XCR1: variants seen among roughly 807,000 people sequenced by gnomAD.
XCR1 encodes chemokine XC receptor 1.
For missense variants in XCR1, 356 were observed against 424.2 expected (o/e 0.84, Z 1.41); for synonymous variants, 187 against 188.5 (o/e 0.99, Z 0.06).
chr3:46,024,374 C>G (rs553585979), intron 1 of XCR1, among the ~76,000 whole-genome samples: 2 of 152,252 alleles, frequency 1.3e-5, no homozygotes, highest in South Asian at 2.1e-4. Context: ...CTGACTTGAG[C>G]TAATGATTCC....
At chr3:46,029,856 G>A, upstream of XCR1, among the ~76,000 whole-genome samples, 1 of 151,992 alleles carries the variant, frequency 6.6e-6, no homozygotes, top group Non-Finnish European at 1.5e-5. Context: ...ACATTGTTTT[G>A]TGGTTTTCAG....
At chr3:46,034,917 T>C (rs1289006176) in intron 5 of XCR1, among the ~76,000 whole-genome samples, 8 of 152,206 alleles carry the variant, frequency 5.3e-5, no homozygotes, top group African/African-American at 1.7e-4. Context: ...TGCCAGACCC[T>C]TCATTCATCA....
intron 5 of XCR1, among the ~76,000 whole-genome samples, chr3:46,052,895 A>G (rs1222966459): frequency 1.2e-4 from 18 of 151,714 alleles, no homozygotes. Context: ...TTATACTGGG[A>G]CTCCCTCTTA....
chr3:46,026,790 G>A (rs1233123811), intron 1 of XCR1, among the ~76,000 whole-genome samples: 1 of 151,864 alleles, frequency 6.6e-6, no homozygotes, highest in Non-Finnish European at 1.5e-5. Context: ...CACCATGTTA[G>A]CCAGGATGGT....
chr3:46,054,972 G>C (rs1697827708), intron 4 of XCR1, among the ~76,000 whole-genome samples: 1 of 152,186 alleles, frequency 6.6e-6, no homozygotes, highest in East Asian at 1.9e-4. Flanking sequence ...TCGATCACTG[G>C]TGGAATCCTT....
chr3:46,079,535 C>T (rs879897870), intron 1 of XCR1, among the ~76,000 whole-genome samples: 27 of 152,126 alleles, frequency 1.8e-4, no homozygotes, highest in Admixed American at 2.6e-4. Flanking sequence ...TACCCCTGCA[C>T]CTTTATATCC....
chr3:46,042,228 T>A (rs974440326), intron 5 of XCR1, among the ~76,000 whole-genome samples: 4 of 151,836 alleles, frequency 2.6e-5, no homozygotes, highest in African/African-American at 9.7e-5. Context: ...AGAAGAAATA[T>A]CTCAAATCAA....
intron 3 of XCR1, among the ~76,000 whole-genome samples, chr3:46,070,915 C>T (rs564731509): frequency 6.6e-6 from 1 of 152,040 alleles, no homozygotes; most frequent in East Asian, 1.9e-4. Flanking sequence ...ATTCCTTCCT[C>T]TTCCTCCTTT....
intron 5 of XCR1, among the ~76,000 whole-genome samples, chr3:46,040,544 G>T (rs1697522447): frequency 6.6e-6 from 1 of 152,110 alleles, no homozygotes; most frequent in Non-Finnish European, 1.5e-5. Flanking sequence ...GCTAATGTGT[G>T]TTCCAGGATT....
At position 46,037,463 on chromosome 3, in the gene XCR1, A is replaced by T. The variant is rs560415160; in HGVS notation, c.-31-15485T>A. ...AAATATTGTATGAGAAAGATCTTGTATGGTGAATTTTTGTCCTAAAATAAA... is the reference window on the plus strand; with the variant it reads ...AAATATTGTATGAGAAAGATCTTGTTTGGTGAATTTTTGTCCTAAAATAAA... On this transcript the variant is annotated intron_variant, in intron 5 of 5. Coordinates refer to the XCR1 transcript ENST00000683768. 1.3e-4 allele frequency among the ~76,000 whole-genome samples: 20 copies of T among 152,272 alleles called. No homozygotes were observed. The South Asian group carries it at 3.5e-3, about 27-fold the overall frequency.
intron 5 of XCR1, among the ~76,000 whole-genome samples, chr3:46,033,459 A>G (rs895617978): frequency 3.3e-5 from 5 of 152,160 alleles, no homozygotes; most frequent in African/African-American, 1.2e-4. Context: ...TTAATTACCT[A>G]TACGTCTTTG....
At chr3:46,076,999 G>C (rs1321887391) in intron 1 of XCR1, among the ~76,000 whole-genome samples, 1 of 152,288 alleles carries the variant, frequency 6.6e-6, no homozygotes, top group East Asian at 1.9e-4. Flanking sequence ...AAAGGCTTTG[G>C]AGTAAAAAGC....
intron 4 of XCR1, among the ~76,000 whole-genome samples, chr3:46,063,912 C>T (rs62243870): frequency 0.19 from 28,462 of 152,214 alleles, 2,837 homozygotes; most frequent in Middle Eastern, 0.33. Flanking sequence ...CTCTGCCACC[C>T]AGGCTGGAGT....
In XCR1 at chr3:46,021,524, T is replaced by C; in HGVS notation, c.424A>G (p.Thr142Ala). The change falls in exon 2 of 2, where the codon ACC (threonine) becomes GCC (alanine). Residue 142 changes from threonine (T) to alanine (A), a missense_variant. Coordinates refer to ENST00000309285, the MANE Select transcript of XCR1 (RefSeq NM_001024644.2). This position sits in a 1 kb window ranked among gnomAD's most constrained non-coding sequence, Gnocchi z 4.7. ...VSPLSTLRVP[T>A]LRCRVLVTMA... The stretch of plus-strand genomic sequence containing the variant: ...GTCACCAGCACCCGGCAGCGGAGGG[T>C]GGGGACGCGCAGGGTGGAGAGGGGG... The C allele has an allele frequency of 1.2e-6, 2 of 1,610,870 alleles. No homozygotes were observed. The highest frequency in any genetic ancestry group is 2.2e-5 in the South Asian group (2 of 90,696).
At chr3:46,053,368 A>G (rs4441698) in intron 5 of XCR1, among the ~76,000 whole-genome samples, 53,798 of 137,038 alleles carry the variant, frequency 0.39, 11,864 homozygotes, top group South Asian at 0.53. Context: ...TGGCAGCAGA[A>G]CGTAAAATTC....
At chr3:46,065,608 A>T (rs1160650572) in intron 4 of XCR1, among the ~76,000 whole-genome samples, 3 of 152,174 alleles carry the variant, frequency 2.0e-5, no homozygotes, top group East Asian at 3.9e-4. Context: ...CACACAGCCC[A>T]CTTACACGGC....
intron 2 of XCR1, among the ~76,000 whole-genome samples, chr3:46,074,738 A>T (rs1380412335): frequency 6.6e-6 from 1 of 151,974 alleles, no homozygotes; most frequent in African/African-American, 2.4e-5. Flanking sequence ...GAGGAAGAGG[A>T]GGGGTTGGTC....
At chr3:46,065,272 C>A (rs901453769) in intron 4 of XCR1, among the ~76,000 whole-genome samples, 10 of 152,144 alleles carry the variant, frequency 6.6e-5, no homozygotes, top group Non-Finnish European at 1.3e-4. Context: ...AGGGGAAAAT[C>A]CCCAACCTGC....
At chr3:46,035,280 T>C (rs546502469) in intron 5 of XCR1, among the ~76,000 whole-genome samples, 5 of 152,280 alleles carry the variant, frequency 3.3e-5, no homozygotes, top group Non-Finnish European at 5.9e-5. Context: ...TTACACATTG[T>C]TACATTTCTT....
Sources: allele counts gnomAD v4.1 joint callset (sites outside exome capture counted in the v4.1 genomes callset), GRCh38; gene constraint gnomAD v4.1.1; non-coding constraint Gnocchi (gnomAD v3.1); transcripts MANE v1.5; gene names NCBI Gene and HGNC (gene_info 2026-07-23, HGNC 2026-07-21).